Variants in PCDHGA5 observed in about 807,000 individuals in gnomAD.
PCDHGA5 encodes protocadherin gamma-A5.
Under a neutral mutation model 56.7 loss-of-function variants are expected in PCDHGA5, and 36 were observed. The observed-to-expected ratio is 0.64, with a 90% CI of 0.49 to 0.84. The LOEUF (loss-of-function observed/expected upper bound fraction) is 0.84, where lower values mean the gene tolerates loss of function less well. Ranked by LOEUF, PCDHGA5 falls within the 40% of genes least tolerant of loss-of-function variation. PCDHGA5 has a pLI of 0.00. For synonymous variants in PCDHGA5, 563 were observed against 520.2 expected, an observed-to-expected ratio of 1.08 and a Z score of -1.12; for missense variants, 1,305 against 1,201.5, an observed-to-expected ratio of 1.09 and a Z score of -1.27.
At chr5:141,463,438 C>CTTTTTT (rs71576115) in intron 1 of PCDHGA5, among the ~76,000 whole-genome samples, 4 of 103,256 alleles carry the variant, frequency 3.9e-5, no homozygotes, top group African/African-American at 1.3e-4. Context: ...TTTCCTTCTC[C>CTTTTTT]TTTTTTTTTT....
At chr5:141,399,644 A>G (rs2093855347) in intron 1 of PCDHGA5, 2 of 1,613,810 alleles carry the variant, frequency 1.2e-6, no homozygotes, top group Non-Finnish European at 8.5e-7. Context: ...ATGAGCGCGC[A>G]AAGTGGGGTG....
Position 141,418,471 on chromosome 5 carries a change from G to T in PCDHGA5, c.2421+51720G>T, listed in dbSNP as rs199547102. 57 of 1,614,002 alleles carry T rather than the reference G, an allele frequency of 3.5e-5. No homozygotes were observed. In the African/African-American group the frequency reaches 5.7e-4, roughly 16 times the overall value. ...TGCAGAAGACTCTGGACCGAGAAACGCAGAGCGCTCACCACTTGGTACTGA... is the reference window on the plus strand; with the variant it reads ...TGCAGAAGACTCTGGACCGAGAAACTCAGAGCGCTCACCACTTGGTACTGA... On this transcript the variant is annotated intron_variant, in intron 1 of 3. Coordinates refer to ENST00000518069, the MANE Select transcript of PCDHGA5 (RefSeq NM_018918.3).
At chr5:141,419,464 C>T (rs199965876) in intron 1 of PCDHGA5, 35 of 1,612,542 alleles carry the variant, frequency 2.2e-5, no homozygotes, top group Middle Eastern at 1.7e-4. Context: ...TGCAGGCCCG[C>T]GACCAGGGCT....
At position 141,486,821 on chromosome 5, in the gene PCDHGA5, A is replaced by T. The variant is rs756652952; in HGVS notation, c.2422-7986A>T. On this transcript the variant is annotated intron_variant, in intron 1 of 3. Transcript: ENST00000518069. The surrounding 1 kb of genome is among the most constrained non-coding windows in gnomAD (Gnocchi z 5.0). ...CAACCCACCCCTTAGCAGCACTGTA[A>T]CAGTTCGTCTATTTGTGCTGGACCT... 36 of 1,614,116 alleles carry T rather than the reference A, an allele frequency of 2.2e-5. No individual in the cohort carries two copies. In the South Asian group the frequency reaches 3.4e-4, roughly 15 times the overall value.
At chr5:141,409,516 C>T (rs1303826331) in intron 1 of PCDHGA5, 6 of 1,614,006 alleles carry the variant, frequency 3.7e-6, no homozygotes, top group South Asian at 1.1e-5. Context: ...GTAGAAGCAT[C>T]ACCTTGTATG....
At chr5:141,397,591 A>G (rs1202251855) in intron 1 of PCDHGA5, among the ~76,000 whole-genome samples, 1 of 152,204 alleles carries the variant, frequency 6.6e-6, no homozygotes, top group Non-Finnish European at 1.5e-5. Flanking sequence ...ATTAATTATT[A>G]TATTGCCAGT....
At chr5:141,379,296 G>T (rs537053500) in intron 1 of PCDHGA5, 18 of 152,178 alleles carry the variant, frequency 1.2e-4, no homozygotes, top group African/African-American at 4.1e-4. Flanking sequence ...GTTTCCAAAG[G>T]TATATACCTA....
At chr5:141,443,050 T>C (rs1290373918) in intron 1 of PCDHGA5, among the ~76,000 whole-genome samples, 1 of 152,236 alleles carries the variant, frequency 6.6e-6, no homozygotes, top group Non-Finnish European at 1.5e-5. Flanking sequence ...AAAATTATTG[T>C]TCCACTGAAG....
chr5:141,396,951 A>G (rs1444720599), intron 1 of PCDHGA5, among the ~76,000 whole-genome samples: 1 of 152,210 alleles, frequency 6.6e-6, no homozygotes, highest in African/African-American at 2.4e-5. Flanking sequence ...TAGGAAAGAA[A>G]ATCCTTACTC....
At chr5:141,423,090 G>A in intron 1 of PCDHGA5, 2 of 1,614,022 alleles carry the variant, frequency 1.2e-6, no homozygotes, top group Non-Finnish European at 1.7e-6. Flanking sequence ...TCGCGGTGGG[G>A]GAGCACACGG....
In PCDHGA5 at chr5:141,489,844, C is replaced by A; in HGVS notation, c.2422-4963C>A. 2 of 1,614,148 alleles carry A rather than the reference C, an allele frequency of 1.2e-6. No individual in the cohort carries two copies. Among genetic ancestry groups the A allele is most frequent in the Non-Finnish European group, 1.7e-6 (2 of 1,179,982 alleles). On this transcript the variant is annotated intron_variant, in intron 1 of 3. Coordinates refer to ENST00000518069, the MANE Select transcript of PCDHGA5 (RefSeq NM_018918.3). The surrounding 1 kb of genome is among the most constrained non-coding windows in gnomAD (Gnocchi z 4.5). Reference sequence around the variant, plus strand: ...GCTGGTGCTAGAGCAGCAGCTGGATCGTGAAGCCCAGGCAAGACATCAGCT... The same window carrying A: ...GCTGGTGCTAGAGCAGCAGCTGGATAGTGAAGCCCAGGCAAGACATCAGCT...
At chr5:141,372,782 G>A (rs761699184) in intron 1 of PCDHGA5, 19 of 1,608,122 alleles carry the variant, frequency 1.2e-5, no homozygotes, top group African/African-American at 5.3e-5. Flanking sequence ...ATCCAGAAAT[G>A]CCTTCTAATT....
chr5:141,400,880 T>C (rs919340566), intron 1 of PCDHGA5, among the ~76,000 whole-genome samples: 1 of 152,276 alleles, frequency 6.6e-6, no homozygotes, highest in Non-Finnish European at 1.5e-5. Flanking sequence ...TTAAATTTAA[T>C]GTATGTAATC....
intron 1 of PCDHGA5, chr5:141,414,350 C>G (rs1450829111): frequency 6.2e-7 from 1 of 1,613,726 alleles, no homozygotes; most frequent in East Asian, 2.2e-5. Context: ...TCCATTTTGG[C>G]GTATCTACCA....
At chr5:141,425,258 G>T (rs965944291) in intron 1 of PCDHGA5, among the ~76,000 whole-genome samples, 2 of 152,134 alleles carry the variant, frequency 1.3e-5, no homozygotes, top group Non-Finnish European at 2.9e-5. Context: ...GAGGTATTTG[G>T]CTGGGAAAAG....
At chr5:141,458,632 C>T (rs779075931) in intron 1 of PCDHGA5, among the ~76,000 whole-genome samples, 1 of 151,898 alleles carries the variant, frequency 6.6e-6, no homozygotes, top group Non-Finnish European at 1.5e-5. Context: ...TGCAGTGGCA[C>T]AATCCCAGCT....
At chr5:141,409,870 T>A (rs980871481) in intron 1 of PCDHGA5, 2 of 1,612,670 alleles carry the variant, frequency 1.2e-6, no homozygotes, top group Admixed American at 1.7e-5. Context: ...GAGACCGCAA[T>A]GACAACGCAC....
At chr5:141,415,285 G>T in intron 1 of PCDHGA5, 1 of 1,614,216 alleles carries the variant, frequency 6.2e-7, no homozygotes. Flanking sequence ...GGTGGCCGCG[G>T]TCTCCTGCGT....
intron 1 of PCDHGA5, chr5:141,375,524 G>A (rs746416710): frequency 1.9e-6 from 3 of 1,613,986 alleles, no homozygotes; most frequent in Middle Eastern, 1.6e-4. Flanking sequence ...GGACCCTGAC[G>A]TGGACCAGAA....
Sources: allele counts gnomAD v4.1 joint callset (sites outside exome capture counted in the v4.1 genomes callset), GRCh38; gene constraint gnomAD v4.1.1; non-coding constraint Gnocchi (gnomAD v3.1); transcripts MANE v1.5; gene names NCBI Gene and HGNC (gene_info 2026-07-23, HGNC 2026-07-21).